LRMDA: variants seen among roughly 807,000 people sequenced by gnomAD.
The protein encoded by LRMDA is leucine rich melanocyte differentiation associated.
LRMDA carries 18 observed loss-of-function variants against 29.8 expected under a neutral mutation model. The ratio of observed to expected loss-of-function variants is 0.60; its 90% CI spans 0.42 to 0.90. LRMDA has a LOEUF of 0.90. Ranked by LOEUF, LRMDA falls within the 40% of genes least tolerant of loss-of-function variation. LRMDA has a pLI of 0.00. For synonymous variants in LRMDA, 125 were observed against 109.4 expected (o/e 1.14, Z -0.89); for missense variants, 273 against 273.9 (o/e 1.00, Z 0.02).
intron 5 of LRMDA, among the ~76,000 whole-genome samples, chr10:76,217,636 C>T (rs1047921054): frequency 2.0e-5 from 3 of 152,162 alleles, no homozygotes; most frequent in African/African-American, 7.2e-5. Flanking sequence ...ATTACGTTCA[C>T]ACTGCTTTAC....
chr10:76,459,126 T>C (rs1842487326), intron 6 of LRMDA, among the ~76,000 whole-genome samples: 1 of 152,142 alleles, frequency 6.6e-6, no homozygotes, highest in South Asian at 2.1e-4. Flanking sequence ...TGCCTGCTAA[T>C]TGCATGAAGC....
chr10:76,487,023 A>C (rs966959126), intron 6 of LRMDA, among the ~76,000 whole-genome samples: 13 of 152,090 alleles, frequency 8.5e-5, no homozygotes, highest in African/African-American at 3.1e-4. Flanking sequence ...ATTAAGGGCA[A>C]TCTACTCTTA....
chr10:75,578,061 G>A (rs921856900), intron 2 of LRMDA, among the ~76,000 whole-genome samples: 11 of 151,690 alleles, frequency 7.3e-5, no homozygotes, highest in Non-Finnish European at 1.6e-4. Flanking sequence ...ATGTAAATGG[G>A]CTAAATGCCC....
At chr10:75,481,224 G>T (rs1473674860) in intron 2 of LRMDA, among the ~76,000 whole-genome samples, 2 of 152,142 alleles carry the variant, frequency 1.3e-5, no homozygotes, top group African/African-American at 4.8e-5. Flanking sequence ...GGGTGGGGCA[G>T]TTTAGCGTGA....
rs67966004 is a variant in LRMDA, at chr10:75,590,726, C to CTTTTTTTTTTTTTT, written c.131+152261_131+152274dup. On this transcript the variant is annotated intron_variant, in intron 2 of 6. Coordinates refer to ENST00000611255, the MANE Select transcript of LRMDA (RefSeq NM_001305581.2). ...CTCCTAACTCTCACAATAAAATAGT[C>CTTTTTTTTTTTTTT]TTTTTTTTTTTTTTTTTTTTTTTTT... 1.8e-4 allele frequency among the ~76,000 whole-genome samples: 13 copies of CTTTTTTTTTTTTTT among 71,344 alleles called. 2 individuals carry two copies. The highest frequency in any genetic ancestry group is 2.8e-4 in the Non-Finnish European group (11 of 39,846). The allele number at this position is 71,344 out of a possible 152,430, so 46.8% of individuals were successfully genotyped here. A position where few individuals can be genotyped will look rare whatever the true frequency, so the allele number is the denominator to read the frequency against.
intron 2 of LRMDA, among the ~76,000 whole-genome samples, chr10:75,772,369 A>G (rs943254519): frequency 3.3e-5 from 5 of 152,208 alleles, no homozygotes; most frequent in African/African-American, 1.2e-4. Flanking sequence ...CATAGGATCA[A>G]TGGTTTTGGG....
At chr10:76,071,714 A>G (rs931714340) in intron 5 of LRMDA, among the ~76,000 whole-genome samples, 1 of 152,226 alleles carries the variant, frequency 6.6e-6, no homozygotes, top group Non-Finnish European at 1.5e-5. Flanking sequence ...GTGTAGGCCA[A>G]ACGCTCTCTT....
At chr10:75,981,362 G>A (rs1847167612) in intron 2 of LRMDA, among the ~76,000 whole-genome samples, 1 of 152,096 alleles carries the variant, frequency 6.6e-6, no homozygotes, top group Non-Finnish European at 1.5e-5. Context: ...TTGCTGACTT[G>A]GGCAAACACT....
chr10:76,547,458 G>C (rs1330848048), intron 6 of LRMDA, among the ~76,000 whole-genome samples: 1 of 152,144 alleles, frequency 6.6e-6, no homozygotes, highest in South Asian at 2.1e-4. Context: ...CAAAAGCACA[G>C]TGTGGCTATA....
chr10:75,444,206 T>C (rs1191195495), intron 2 of LRMDA, among the ~76,000 whole-genome samples: 1 of 152,196 alleles, frequency 6.6e-6, no homozygotes, highest in African/African-American at 2.4e-5. Context: ...CAAATCCACT[T>C]CTGTGTTAGT....
At chr10:75,809,985 G>T (rs1843929226) in intron 2 of LRMDA, among the ~76,000 whole-genome samples, 1 of 152,186 alleles carries the variant, frequency 6.6e-6, no homozygotes, top group Non-Finnish European at 1.5e-5. Context: ...GCCTTGTGTG[G>T]CTATGCTGGT....
chr10:75,802,335 G>GCACACACACACA (rs10571839), intron 2 of LRMDA, among the ~76,000 whole-genome samples: 2 of 147,044 alleles, frequency 1.4e-5, no homozygotes, highest in African/African-American at 5.1e-5. Flanking sequence ...ACACACACGC[G>GCACACACACACA]CACACACACA....
At chr10:76,212,337 G>A (rs1412149610) in intron 5 of LRMDA, among the ~76,000 whole-genome samples, 1 of 151,280 alleles carries the variant, frequency 6.6e-6, no homozygotes, top group East Asian at 1.9e-4. Flanking sequence ...GGTACTATGA[G>A]AATTTGGAAA....
At chr10:75,540,489 A>G (rs914310378) in intron 2 of LRMDA, among the ~76,000 whole-genome samples, 3 of 152,172 alleles carry the variant, frequency 2.0e-5, no homozygotes, top group Non-Finnish European at 4.4e-5. Context: ...GTCTTCCCCT[A>G]TCTAGCACCT....
At chr10:76,034,316 A>G (rs371932514) in intron 2 of LRMDA, among the ~76,000 whole-genome samples, 2 of 152,320 alleles carry the variant, frequency 1.3e-5, no homozygotes, top group African/African-American at 4.8e-5. Context: ...CAGCCCTTCA[A>G]GCATTTATCC....
chr10:75,892,449 T>C (rs1845507756), intron 2 of LRMDA, among the ~76,000 whole-genome samples: 1 of 152,202 alleles, frequency 6.6e-6, no homozygotes, highest in African/African-American at 2.4e-5. Context: ...AGGTGTTCTT[T>C]AAGGGAGCGC....
chr10:76,183,485 T>C (rs1290664637), intron 5 of LRMDA, among the ~76,000 whole-genome samples: 1 of 152,106 alleles, frequency 6.6e-6, no homozygotes, highest in Non-Finnish European at 1.5e-5. Flanking sequence ...GAAAAAGGCA[T>C]CATTTATTTG....
At chr10:76,020,897 T>C (rs11001585) in intron 2 of LRMDA, among the ~76,000 whole-genome samples, 13,135 of 152,286 alleles carry the variant, frequency 0.086, 807 homozygotes, top group East Asian at 0.25. Flanking sequence ...TCACTTTTCA[T>C]CACTCTTCCT....
At chr10:76,381,076 T>C (rs7904646) in intron 6 of LRMDA, among the ~76,000 whole-genome samples, 129,346 of 141,146 alleles carry the variant, frequency 0.92, 59,986 homozygotes, top group Non-Finnish European at 0.96. Context: ...ACTCTAATGG[T>C]CACCAGGGTA....
Sources: allele counts gnomAD v4.1 joint callset (sites outside exome capture counted in the v4.1 genomes callset), GRCh38; gene constraint gnomAD v4.1.1; transcripts MANE v1.5; gene names NCBI Gene and HGNC (gene_info 2026-07-23, HGNC 2026-07-21).